The following ABHD3 variants were observed in gnomAD, a reference collection of about 807,000 sequenced individuals.
The protein encoded by ABHD3 is abhydrolase domain containing 3, phospholipase, also known as phospholipase ABHD3.
ABHD3 carries 46 observed loss-of-function variants against 48.8 expected under a neutral mutation model. The ratio of observed to expected loss-of-function variants is 0.94; its 90% CI spans 0.74 to 1.20. The LOEUF (loss-of-function observed/expected upper bound fraction) is 1.20. Ranked by LOEUF, ABHD3 falls within the 50% of genes most tolerant of loss-of-function variation. ABHD3 has a pLI of 0.00. For synonymous variants in ABHD3, 192 were observed against 183.7 expected (o/e 1.04, Z -0.36); for missense variants, 490 against 497.8 (o/e 0.98, Z 0.15).
At chr18:21,693,346 A>G (rs1388053270) in intron 3 of ABHD3, among the ~76,000 whole-genome samples, 1 of 152,216 alleles carries the variant, frequency 6.6e-6, no homozygotes, top group Non-Finnish European at 1.5e-5. Context: ...GAGCAATGAC[A>G]TAATTTGTCT....
chr18:21,704,269 G>T (rs910670412), intron 1 of ABHD3, among the ~76,000 whole-genome samples: 1 of 152,212 alleles, frequency 6.6e-6, no homozygotes, highest in Non-Finnish European at 1.5e-5. Context: ...CCGCAGCGCA[G>T]AAGTCAGCCG....
intron 1 of ABHD3, 127 bp downstream of exon 1, chr18:21,704,377 C>A (rs930279184): frequency 2.9e-6 from 3 of 1,047,054 alleles, no homozygotes; most frequent in Non-Finnish European, 3.7e-6. Context: ...TGGGGGCTGC[C>A]GCTCGGGAGC....
chr18:21,702,565 A>G, intron 2 of ABHD3, 67 bp from the exon 3 acceptor site: 2 of 1,328,948 alleles, frequency 1.5e-6, no homozygotes, highest in Non-Finnish European at 1.0e-6. Flanking sequence ...TTTTAATTCT[A>G]AACACATGAC....
Position 21,703,663 on chromosome 18 carries a change from T to G in ABHD3, c.247A>C (p.Thr83Pro). 6.2e-7 allele frequency: 1 copy of G among 1,614,108 alleles called. No individual in the cohort carries two copies. The highest frequency in any genetic ancestry group is 8.5e-7 in the Non-Finnish European group (1 of 1,180,006). Residue 83 changes from threonine (T) to proline (P), a missense_variant, in exon 2 of 9, where the codon ACG (threonine) becomes CCG (proline). Transcript: ENST00000289119. ...CCTCGACCCTCCCAGCACCAGACCG[T>G]CGGGTAGTACGTTTCTGTAACCACG... is the stretch of plus-strand genomic sequence containing the variant. ...CPVVTETYYPTVWCWEGRGQT... is the reference protein window; with the variant it reads ...CPVVTETYYPPVWCWEGRGQT...
chr18:21,702,468 C>G lies in ABHD3; in HGVS notation c.357G>C (p.Gln119His), dbSNP rs559728185. 4 of 1,607,598 alleles carry G rather than the reference C, an allele frequency of 2.5e-6. No homozygotes were observed. The South Asian group carries it at 4.4e-5, about 18-fold the overall frequency. Reference sequence around the variant, plus strand: ...CATTATCAAACCAGTCCAGTGAAATCTGTCCTCCATCTGCAGTTTTAATAA... The same window carrying G: ...CATTATCAAACCAGTCCAGTGAAATGTGTCCTCCATCTGCAGTTTTAATAA... ...NELIKTADGG[Q>H]ISLDWFDNDN... The change falls in exon 3 of 9, where the codon CAG (glutamine) becomes CAC (histidine). Residue 119 changes from glutamine (Q) to histidine (H), a missense_variant. Physicochemically the swap from Gln to His is conservative, Grantham distance 24 (BLOSUM62 0). Coordinates refer to ENST00000289119, the MANE Select transcript of ABHD3 (RefSeq NM_138340.5).
intron 3 of ABHD3, among the ~76,000 whole-genome samples, chr18:21,694,022 G>C (rs1598558389): frequency 6.6e-6 from 1 of 152,100 alleles, no homozygotes. Context: ...AAGCTAAATT[G>C]CATCTAGAGC....
intron 8 of ABHD3, among the ~76,000 whole-genome samples, chr18:21,652,841 T>G (rs1474732379): frequency 6.7e-6 from 1 of 149,002 alleles, no homozygotes; most frequent in Non-Finnish European, 1.5e-5. Context: ...GATGACCAGG[T>G]TAGGAGATCA....
intron 3 of ABHD3, among the ~76,000 whole-genome samples, chr18:21,697,530 C>T (rs2040400207): frequency 1.3e-5 from 2 of 152,142 alleles, no homozygotes. Context: ...CAGGTGCATG[C>T]CATGATGCCC....
intron 8 of ABHD3, among the ~76,000 whole-genome samples, chr18:21,653,696 G>A (rs2039280245): frequency 6.7e-6 from 1 of 149,590 alleles, no homozygotes; most frequent in African/African-American, 2.5e-5. Flanking sequence ...AGACTAGCCT[G>A]GGCAGCATAG....
At chr18:21,679,469 T>C (rs532717023) in intron 4 of ABHD3, among the ~76,000 whole-genome samples, 24 of 152,364 alleles carry the variant, frequency 1.6e-4, no homozygotes, top group African/African-American at 5.5e-4. Flanking sequence ...CCTAATGATC[T>C]AACGAGTTAA....
At chr18:21,700,077 T>C (rs1298431690) in intron 3 of ABHD3, among the ~76,000 whole-genome samples, 2 of 151,494 alleles carry the variant, frequency 1.3e-5, no homozygotes, top group Non-Finnish European at 1.5e-5. Context: ...ACATTGTTTT[T>C]ATTTATTTAT....
intron 4 of ABHD3, among the ~76,000 whole-genome samples, chr18:21,680,376 C>A (rs753075697): frequency 6.6e-6 from 1 of 152,142 alleles, no homozygotes; most frequent in Non-Finnish European, 1.5e-5. Context: ...TACACATTAT[C>A]ATATTCAGTT....
chr18:21,662,603 G>A (rs1048618355), intron 5 of ABHD3, among the ~76,000 whole-genome samples: 3 of 152,130 alleles, frequency 2.0e-5, no homozygotes, highest in East Asian at 3.9e-4. Flanking sequence ...CATAAGGATC[G>A]TCCATGGACT....
At chr18:21,651,802 GGA>G in intron 8 of ABHD3, 39 bp from the exon 9 acceptor site, 2 of 1,456,634 alleles carry the variant, frequency 1.4e-6, no homozygotes, top group Non-Finnish European at 9.1e-7. Context: ...GAGAGAAGAA[GGA>G]GAGAGAAAAA....
Position 21,659,093 on chromosome 18 carries a change from C to T in ABHD3, c.842+77G>A. ...TGACCTCGTGATCCCCCCGCCTCAG[C>T]CTCCCAAAGTGCTGGGATTACAGGC... On this transcript the variant is annotated intron_variant, in intron 6 of 8. Coordinates refer to ENST00000289119, the MANE Select transcript of ABHD3 (RefSeq NM_138340.5). 3 of 1,422,630 alleles carry T rather than the reference C, an allele frequency of 2.1e-6. No homozygotes were observed. In the South Asian group the frequency reaches 4.0e-5, roughly 19 times the overall value. 88.1% of individuals were successfully genotyped at this position (1,422,630 alleles called of 1,614,324 possible). A position where few individuals can be genotyped will look rare whatever the true frequency, so the allele number is the denominator to read the frequency against.
At chr18:21,691,278 GC>G (rs1215473469) in intron 3 of ABHD3, among the ~76,000 whole-genome samples, 2 of 152,124 alleles carry the variant, frequency 1.3e-5, no homozygotes, top group Non-Finnish European at 2.9e-5. Flanking sequence ...TATACATGAA[GC>G]AAAATTAATA....
intron 4 of ABHD3, among the ~76,000 whole-genome samples, chr18:21,677,893 C>T (rs1471472240): frequency 6.6e-6 from 1 of 151,850 alleles, no homozygotes; most frequent in Non-Finnish European, 1.5e-5. Context: ...CCATGTTAGC[C>T]AGCATGTGAT....
At chr18:21,693,481 T>C (rs532828867) in intron 3 of ABHD3, among the ~76,000 whole-genome samples, 18 of 152,302 alleles carry the variant, frequency 1.2e-4, no homozygotes, top group Non-Finnish European at 2.4e-4. Flanking sequence ...CAGGTCTCTT[T>C]TTCCAAAGAA....
At chr18:21,703,032 A>G (rs1003529633) in intron 2 of ABHD3, among the ~76,000 whole-genome samples, 1 of 152,192 alleles carries the variant, frequency 6.6e-6, no homozygotes, top group Admixed American at 6.5e-5. Context: ...TAAACTCCAG[A>G]AGGATAGATG....
Sources: allele counts gnomAD v4.1 joint callset (sites outside exome capture counted in the v4.1 genomes callset), GRCh38; gene constraint gnomAD v4.1.1; transcripts MANE v1.5; gene names NCBI Gene and HGNC (gene_info 2026-07-23, HGNC 2026-07-21).